The following POU4F2 variants were observed in gnomAD, a reference collection of about 807,000 sequenced individuals.
POU4F2 encodes POU class 4 homeobox 2.
POU4F2 carries 10 observed loss-of-function variants against 21.5 expected under a neutral mutation model. That is an observed-to-expected ratio of 0.46 (90% confidence interval 0.29 to 0.79). The LOEUF (loss-of-function observed/expected upper bound fraction) is 0.79. POU4F2 is among the 30% of genes least tolerant of loss of function. The pLI is 0.10. For synonymous variants in POU4F2, 324 were observed against 271.1 expected (o/e 1.20, Z -1.92); for missense variants, 623 against 603.3 (o/e 1.03, Z -0.34).
intron 1 of POU4F2, 94 bp from the exon 2 acceptor site, chr4:146,639,756 TGGGAATGTTGTAGGCGC>T (rs945946281): frequency 2.3e-5 from 25 of 1,084,884 alleles, no homozygotes; most frequent in African/African-American, 3.2e-5. Context: ...TTTAACGATC[TGGGAATGTTGTAGGCGC>T]GGCGACGGTG....
In POU4F2 at chr4:146,640,540, C is replaced by G. The variant is rs1025398155; in HGVS notation, c.962C>G (p.Ala321Gly). The G allele has an allele frequency of 6.8e-6, 11 of 1,613,800 alleles. No individual in the cohort carries two copies. The highest frequency in any genetic ancestry group is 9.3e-6 in the Non-Finnish European group (11 of 1,179,818). The change falls in exon 2 of 2, where the codon GCA becomes GGA. Residue 321 changes from alanine to glycine, a missense_variant. Coordinates refer to ENST00000281321, the MANE Select transcript of POU4F2 (RefSeq NM_004575.3). This position sits in a 1 kb window ranked among gnomAD's most constrained non-coding sequence, Gnocchi z 4.8. ...NMIALKPILQ[A>G]WLEEAEKSHR... Reference sequence around the variant, plus strand: ...ATCGCGCTCAAACCCATCCTGCAGGCATGGCTCGAGGAGGCCGAGAAGTCC... The same window carrying G: ...ATCGCGCTCAAACCCATCCTGCAGGGATGGCTCGAGGAGGCCGAGAAGTCC...
intron 1 of POU4F2, 123 bp from the exon 2 acceptor site, chr4:146,639,744 A>ATTG (rs1230438079): frequency 1.2e-5 from 12 of 1,017,522 alleles, no homozygotes; most frequent in South Asian, 2.0e-5. Flanking sequence ...TATTATTATT[A>ATTG]TTTTAACGAT....
At position 146,639,171 on chromosome 4, in the gene POU4F2, G is replaced by A; in HGVS notation, c.31G>A (p.Ala11Thr). The A allele has an allele frequency of 5.0e-6, 8 of 1,608,132 alleles. No homozygotes were observed. The highest frequency in any genetic ancestry group is 6.8e-6 in the Non-Finnish European group (8 of 1,177,872). ...GATGATGTCCCTGAACAGCAAGCAG[G>A]CGTTTAGCATGCCGCACGGCGGCAG... is the stretch of plus-strand genomic sequence containing the variant. MMMMSLNSKQ[A>T]FSMPHGGSLH... is the part of the protein sequence containing the mutation. The change falls in exon 1 of 2, where the codon GCG (alanine) becomes ACG (threonine). Residue 11 changes from alanine (A) to threonine (T), a missense_variant. Physicochemically the swap from Ala to Thr is moderately conservative, Grantham distance 58. Coordinates refer to ENST00000281321, the MANE Select transcript of POU4F2 (RefSeq NM_004575.3).
Position 146,639,185 on chromosome 4 carries a change from G to A in POU4F2, c.45G>A (p.Pro15=). ...SLNSKQAFSM[P]HGGSLHVEPK... is the part of the protein sequence containing the mutation. ...ACAGCAAGCAGGCGTTTAGCATGCC[G>A]CACGGCGGCAGCCTGCACGTGGAGC... Residue 15 remains proline (P), a synonymous_variant, in exon 1 of 2, where the codon CCG becomes CCA. Coordinates refer to ENST00000281321, the MANE Select transcript of POU4F2 (RefSeq NM_004575.3). 6.2e-7 allele frequency: 1 copy of A among 1,606,984 alleles called. No homozygotes were observed.
Position 146,640,033 on chromosome 4 carries a change from C to T in POU4F2, c.455C>T (p.Ser152Leu), listed in dbSNP as rs1277753124. 1.2e-6 allele frequency: 2 copies of T among 1,610,382 alleles called. No homozygotes were observed. The highest frequency in any genetic ancestry group is 1.1e-5 in the South Asian group (1 of 91,024). The change falls in exon 2 of 2, where the codon TCG becomes TTG. Residue 152 changes from serine to leucine, a missense_variant. Ser to Leu is a moderately radical substitution (Grantham distance 145). Coordinates refer to ENST00000281321, the MANE Select transcript of POU4F2 (RefSeq NM_004575.3). This position sits in a 1 kb window ranked among gnomAD's most constrained non-coding sequence, Gnocchi z 4.8. ...ACTATGAATACCATCCCGTGCACGT[C>T]GGCCGCCTCTTCTTCATCGGTGCCC... The part of the protein sequence containing the change: ...YHTMNTIPCT[S>L]AASSSSVPIS...
chr4:146,640,523 C>G lies in POU4F2; in HGVS notation c.945C>G (p.Leu315=), dbSNP rs993887886. The G allele has an allele frequency of 1.2e-6, 2 of 1,614,040 alleles. No homozygotes were observed. Among genetic ancestry groups the G allele is most frequent in the African/African-American group, 2.7e-5 (2 of 74,950 alleles). The change falls in exon 2 of 2, where the codon CTC becomes CTG. Residue 315 remains leucine, a synonymous_variant. Transcript: ENST00000281321. The surrounding 1 kb of genome is among the most constrained non-coding windows in gnomAD (Gnocchi z 4.8). ...TGTCCCACAATAATATGATCGCGCTCAAACCCATCCTGCAGGCATGGCTCG... is the reference window on the plus strand; with the variant it reads ...TGTCCCACAATAATATGATCGCGCTGAAACCCATCCTGCAGGCATGGCTCG... ...LTLSHNNMIA[L]KPILQAWLEE...
rs746012753 is a variant in POU4F2, at chr4:146,640,179, G to C, written c.601G>C (p.Ala201Pro). The change falls in exon 2 of 2, where the codon GCC (alanine) becomes CCC (proline). Residue 201 changes from alanine to proline, a missense_variant. Coordinates refer to ENST00000281321, the MANE Select transcript of POU4F2 (RefSeq NM_004575.3). This position sits in a 1 kb window ranked among gnomAD's most constrained non-coding sequence, Gnocchi z 4.8. ...GCTGGAGCACCTGAGTCCCGGGCTGGCCCTGGGCGCTATGGCGGGCCCCGA... is the reference window on the plus strand; with the variant it reads ...GCTGGAGCACCTGAGTCCCGGGCTGCCCCTGGGCGCTATGGCGGGCCCCGA... ...ELLEHLSPGL[A>P]LGAMAGPDGA... 1.9e-5 allele frequency: 30 copies of C among 1,589,720 alleles called. No homozygotes were observed. Among genetic ancestry groups the C allele is most frequent in the Non-Finnish European group, 2.5e-5 (29 of 1,174,484 alleles).
rs200415873 is a variant in POU4F2 at position 146,640,706 on chromosome 4, C to G, written c.1128C>G (p.Ala376=). 1 of 1,614,122 alleles carries G rather than the reference C, an allele frequency of 6.2e-7. No homozygotes were observed. The highest frequency in any genetic ancestry group is 8.5e-7 in the Non-Finnish European group (1 of 1,180,056). ...CTCGGCCCTCCTCTGAAAAGATCGC[C>G]GCCATCGCGGAGAAGCTGGACCTGA... ...IQPRPSSEKI[A]AIAEKLDLKK... The change falls in exon 2 of 2, where the codon GCC becomes GCG. Residue 376 remains alanine, a synonymous_variant. Coordinates refer to ENST00000281321, the MANE Select transcript of POU4F2 (RefSeq NM_004575.3). The surrounding 1 kb of genome is among the most constrained non-coding windows in gnomAD (Gnocchi z 4.8).
rs1740820241 is a variant in POU4F2, at chr4:146,639,299, T to TGGTGGTGGCGGCGGC, written c.162_176dup (p.Gly64_Gly68dup). The TGGTGGTGGCGGCGGC allele has an allele frequency of 1.4e-6, 2 of 1,466,118 alleles. No individual in the cohort carries two copies. The highest frequency in any genetic ancestry group is 3.5e-5 in the African/African-American group (2 of 57,578). The allele number at this position is 1,466,118 out of a possible 1,614,324, so 90.8% of individuals were successfully genotyped here. ...GCTCCCCCAGCAGCTCGAGCAACGC[T>TGGTGGTGGCGGCGGC]GGTGGTGGCGGCGGCGGCGGCGGCG... On this transcript the variant is annotated inframe_insertion, in exon 1 of 2. Transcript: ENST00000281321.
chr4:146,640,643 A>G lies in POU4F2; in HGVS notation c.1065A>G (p.Pro355=), dbSNP rs61733419. The G allele has an allele frequency of 3.6e-3, 5,769 of 1,614,248 alleles. 188 individuals carry two copies. The African/African-American group carries it at 0.069, about 19-fold the overall frequency. ...KKRKRTSIAA[P]EKRSLEAYFA... is the part of the protein sequence containing the mutation. ...GCAAGCGCACGTCCATCGCTGCGCC[A>G]GAGAAGCGCTCGCTCGAAGCCTACT... Residue 355 remains proline (P), a synonymous_variant, in exon 2 of 2, where the codon CCA becomes CCG. Transcript: ENST00000281321. The surrounding 1 kb of genome is among the most constrained non-coding windows in gnomAD (Gnocchi z 4.8).
At position 146,640,337 on chromosome 4, in the gene POU4F2, C is replaced by T. The variant is rs1238690986; in HGVS notation, c.759C>T (p.Ala253=). The change falls in exon 2 of 2, where the codon GCC becomes GCT. Residue 253 remains alanine, a synonymous_variant. Coordinates refer to ENST00000281321, the MANE Select transcript of POU4F2 (RefSeq NM_004575.3). The surrounding 1 kb of genome is among the most constrained non-coding windows in gnomAD (Gnocchi z 4.8). ...SHMGCMSDVD[A]DPRDLEAFAE... Reference sequence around the variant, plus strand: ...TGGGCTGCATGAGCGACGTGGACGCCGACCCGCGGGACCTGGAGGCATTCG... The same window carrying T: ...TGGGCTGCATGAGCGACGTGGACGCTGACCCGCGGGACCTGGAGGCATTCG... The T allele has an allele frequency of 8.9e-6, 14 of 1,581,534 alleles. No individual in the cohort carries two copies. Among genetic ancestry groups the T allele is most frequent in the Non-Finnish European group, 1.1e-5 (13 of 1,167,598 alleles).
rs1740888229 is a variant in POU4F2 at position 146,641,614 on chromosome 4, A to G, written c.*806A>G. The G allele has an allele frequency of 6.6e-6, 1 of 152,608 alleles. No homozygotes were observed. Among genetic ancestry groups the G allele is most frequent in the Admixed American group, 6.5e-5 (1 of 15,270 alleles). 9.5% of individuals were successfully genotyped at this position (152,608 alleles called of 1,614,324 possible). On this transcript the variant is annotated 3_prime_UTR_variant, in exon 2 of 2. Coordinates refer to ENST00000281321, the MANE Select transcript of POU4F2 (RefSeq NM_004575.3). ...AAATTTTGTTTGATGAGTTTACCGA[A>G]TTTTTACAGCTTTCCTCCTATACTG... is the stretch of plus-strand genomic sequence containing the variant.
At position 146,639,365 on chromosome 4, in the gene POU4F2, C is replaced by A; in HGVS notation, c.225C>A (p.Ser75Arg). 6.8e-7 allele frequency: 1 copy of A among 1,477,372 alleles called. No homozygotes were observed. The highest frequency in any genetic ancestry group is 8.9e-7 in the Non-Finnish European group (1 of 1,121,100). 91.5% of individuals were successfully genotyped at this position (1,477,372 alleles called of 1,614,324 possible). Residue 75 changes from serine (S) to arginine (R), a missense_variant, in exon 1 of 2, where the codon AGC (serine) becomes AGA (arginine). Physicochemically the swap from Ser to Arg is moderately radical, Grantham distance 110. Around this residue, in one of 3 missense-constraint regions of POU4F2, gnomAD observed 523 missense variants for 504.1 expected, o/e 1.04. Transcript: ENST00000281321. ...GAGGCCGAAGCAGCAGCTCCAGCAG[C>A]AGTGGCAGCAGCGGCGGCGGGGGCT... is the stretch of plus-strand genomic sequence containing the variant. ...GGGGRSSSSS[S>R]SGSSGGGGSE...
Position 146,640,328 on chromosome 4 carries a change from C to A in POU4F2, c.750C>A (p.Asp250Glu), listed in dbSNP as rs763016561. 3 of 1,577,308 alleles carry A rather than the reference C, an allele frequency of 1.9e-6. No individual in the cohort carries two copies. The highest frequency in any genetic ancestry group is 2.6e-6 in the Non-Finnish European group (3 of 1,165,776). Residue 250 changes from aspartate to glutamate, a missense_variant, in exon 2 of 2, where the codon GAC becomes GAA. Asp to Glu is a conservative substitution (Grantham distance 45). Coordinates refer to ENST00000281321, the MANE Select transcript of POU4F2 (RefSeq NM_004575.3). The surrounding 1 kb of genome is among the most constrained non-coding windows in gnomAD (Gnocchi z 4.8). ...CGTCGCACATGGGCTGCATGAGCGACGTGGACGCCGACCCGCGGGACCTGG... is the reference window on the plus strand; with the variant it reads ...CGTCGCACATGGGCTGCATGAGCGAAGTGGACGCCGACCCGCGGGACCTGG... ...GLPSHMGCMS[D>E]VDADPRDLEA...
chr4:146,641,830 G>A lies in POU4F2; in HGVS notation c.*1022G>A, dbSNP rs1440352779. 1 of 150,264 alleles carries A rather than the reference G, an allele frequency of 6.7e-6. No individual in the cohort carries two copies. Among genetic ancestry groups the A allele is most frequent in the African/African-American group, 2.5e-5 (1 of 40,482 alleles). The allele number at this position is 150,264 out of a possible 1,614,324, so 9.3% of individuals were successfully genotyped here. A position where few individuals can be genotyped will look rare whatever the true frequency, so the allele number is the denominator to read the frequency against. On this transcript the variant is annotated 3_prime_UTR_variant, in exon 2 of 2. Transcript: ENST00000281321. ...ATGGGGATTCCCACATTGTCCCCAT[G>A]ACACATGAGCGCTCTCACTTACCCT...
rs777381197 is a variant in POU4F2, at chr4:146,640,338, G to C, written c.760G>C (p.Asp254His). 1.3e-6 allele frequency: 2 copies of C among 1,581,802 alleles called. No individual in the cohort carries two copies. Among genetic ancestry groups the C allele is most frequent in the Non-Finnish European group, 1.7e-6 (2 of 1,167,642 alleles). Reference sequence around the variant, plus strand: ...GGGCTGCATGAGCGACGTGGACGCCGACCCGCGGGACCTGGAGGCATTCGC... The same window carrying C: ...GGGCTGCATGAGCGACGTGGACGCCCACCCGCGGGACCTGGAGGCATTCGC... Reference protein sequence around the residue: ...HMGCMSDVDADPRDLEAFAER... With the variant: ...HMGCMSDVDAHPRDLEAFAER... Residue 254 changes from aspartate to histidine, a missense_variant, in exon 2 of 2, where the codon GAC (aspartate) becomes CAC (histidine). Asp to His is a moderately conservative substitution (Grantham distance 81). Transcript: ENST00000281321. The surrounding 1 kb of genome is among the most constrained non-coding windows in gnomAD (Gnocchi z 4.8).
In POU4F2 at chr4:146,641,251, TTAAAC is replaced by T. The variant is rs1287295819; in HGVS notation, c.*446_*450del. 1 of 155,414 alleles carries T rather than the reference TTAAAC, an allele frequency of 6.4e-6. No individual in the cohort carries two copies. Among genetic ancestry groups the T allele is most frequent in the African/African-American group, 2.4e-5 (1 of 41,514 alleles). 9.6% of individuals were successfully genotyped at this position (155,414 alleles called of 1,614,324 possible). ...TAGAAATTGATTCAGGACTAAAACT[TTAAAC>T]TAGAGTTGATGCTTAATGTGATAGA... On this transcript the variant is annotated 3_prime_UTR_variant, in exon 2 of 2. Coordinates refer to ENST00000281321, the MANE Select transcript of POU4F2 (RefSeq NM_004575.3).
chr4:146,640,055 G>A lies in POU4F2; in HGVS notation c.477G>A (p.Val159=), dbSNP rs1180093829. 1.2e-6 allele frequency: 2 copies of A among 1,608,500 alleles called. No homozygotes were observed. The highest frequency in any genetic ancestry group is 8.5e-7 in the Non-Finnish European group (1 of 1,179,906). Residue 159 remains valine, a synonymous_variant, in exon 2 of 2, where the codon GTG becomes GTA. Transcript: ENST00000281321. The surrounding 1 kb of genome is among the most constrained non-coding windows in gnomAD (Gnocchi z 4.8). The part of the protein sequence containing the change: ...PCTSAASSSS[V]PISHPSALAG... ...CGTCGGCCGCCTCTTCTTCATCGGTGCCCATCTCGCACCCTTCCGCGTTGG... is the reference window on the plus strand; with the variant it reads ...CGTCGGCCGCCTCTTCTTCATCGGTACCCATCTCGCACCCTTCCGCGTTGG...
Position 146,640,052 on chromosome 4 carries a change from G to A in POU4F2, c.474G>A (p.Ser158=), listed in dbSNP as rs1437669240. 1 of 1,608,712 alleles carries A rather than the reference G, an allele frequency of 6.2e-7. No homozygotes were observed. Among genetic ancestry groups the A allele is most frequent in the East Asian group, 2.2e-5 (1 of 44,828 alleles). The part of the protein sequence containing the change: ...IPCTSAASSS[S]VPISHPSALA... ...GCACGTCGGCCGCCTCTTCTTCATCGGTGCCCATCTCGCACCCTTCCGCGT... is the reference window on the plus strand; with the variant it reads ...GCACGTCGGCCGCCTCTTCTTCATCAGTGCCCATCTCGCACCCTTCCGCGT... The change falls in exon 2 of 2, where the codon TCG becomes TCA. Residue 158 remains serine, a synonymous_variant. Transcript: ENST00000281321. The surrounding 1 kb of genome is among the most constrained non-coding windows in gnomAD (Gnocchi z 4.8).
Sources: gnomAD v4.1 joint callset for allele counts on GRCh38, gnomAD v4.1.1 for gene constraint, gnomAD v4.1.1 regional missense constraint, Gnocchi (gnomAD v3.1) non-coding constraint, MANE v1.5 for transcripts, NCBI Gene and HGNC (gene_info 2026-07-23, HGNC 2026-07-21) for gene names.